The following ACOX1 variants were observed in gnomAD, a reference collection of about 807,000 sequenced individuals.
The protein encoded by ACOX1 is peroxisomal acyl-coenzyme A oxidase 1.
In ACOX1, 41 loss-of-function variants were observed where a neutral mutation model predicts 75.5. The ratio of observed to expected loss-of-function variants is 0.54; its 90% confidence interval spans 0.42 to 0.70. The LOEUF (loss-of-function observed/expected upper bound fraction) is 0.70, where lower values mean the gene tolerates loss of function less well. Ranked by LOEUF, ACOX1 falls within the 30% of genes least tolerant of loss-of-function variation. The pLI, the probability that ACOX1 is intolerant of heterozygous loss-of-function variation, is 0.00. For missense variants in ACOX1, 630 were observed against 837.5 expected (o/e 0.75, Z 3.06); for synonymous variants, 303 against 298.8 (o/e 1.01, Z -0.15).
In ACOX1 at chr17:75,948,426, T is replaced by C; in HGVS notation, c.1760A>G (p.Gln587Arg). ...TAACTCCTTTACACGCTGGTTTACT[T>C]GTGTAATCTGAGGCTCTGTCATGAT... ...GSIMTEPQIT[Q>R]VNQRVKELLT... is the part of the protein sequence containing the mutation. The change falls in exon 13 of 14, where the codon CAA (glutamine) becomes CGA (arginine). Residue 587 changes from glutamine to arginine, a missense_variant. Gln to Arg is a conservative substitution (Grantham distance 43, BLOSUM62 1). Coordinates refer to ENST00000293217, the MANE Select transcript of ACOX1 (RefSeq NM_004035.7). 6.2e-7 allele frequency: 1 copy of C among 1,614,150 alleles called. No individual in the cohort carries two copies. The highest frequency in any genetic ancestry group is 2.2e-5 in the East Asian group (1 of 44,886).
chr17:75,961,465 C>CAAAAAA (rs142857967), intron 2 of ACOX1, among the ~76,000 whole-genome samples: 1 of 50,784 alleles, frequency 2.0e-5, no homozygotes, highest in Non-Finnish European at 3.6e-5. Context: ...ACTAAAAATA[C>CAAAAAA]AAAAAAAAAA....
intron 2 of ACOX1, among the ~76,000 whole-genome samples, chr17:75,974,890 CA>C (rs1163713008): frequency 6.1e-5 from 9 of 146,450 alleles, no homozygotes; most frequent in African/African-American, 1.0e-4. Flanking sequence ...ACGAAAAATA[CA>C]AAAAAAAAAT....
intron 2 of ACOX1, among the ~76,000 whole-genome samples, chr17:75,967,860 C>A (rs1331156328): frequency 6.6e-6 from 1 of 150,582 alleles, no homozygotes. Context: ...CCTGCTTCAG[C>A]CTTCCGAGTA....
rs887630690 is a variant in ACOX1 at position 75,942,548 on chromosome 17, C to G, written c.*4200G>C. On this transcript the variant is annotated 3_prime_UTR_variant, in exon 14 of 14. Transcript: ENST00000293217. ...CTCCAAGAATGGAGTAGTAAAGAAA[C>G]AGCAGAAATGACTTCCCTGCATTAT... is the stretch of plus-strand genomic sequence containing the variant. 6.7e-6 allele frequency: 1 copy of G among 149,332 alleles called. No homozygotes were observed. The highest frequency in any genetic ancestry group is 2.5e-5 in the African/African-American group (1 of 40,480). The allele number at this position is 149,332 out of a possible 1,614,324, so 9.3% of individuals were successfully genotyped here.
intron 13 of ACOX1, among the ~76,000 whole-genome samples, chr17:75,947,449 G>A (rs1229910622): frequency 6.6e-6 from 1 of 152,078 alleles, no homozygotes; most frequent in East Asian, 1.9e-4. Flanking sequence ...GTTTCTCCAT[G>A]TTGGTCAGGC....
chr17:75,974,152 T>C (rs554570355), intron 2 of ACOX1, among the ~76,000 whole-genome samples: 1 of 152,072 alleles, frequency 6.6e-6, no homozygotes, highest in Admixed American at 6.6e-5. Flanking sequence ...TGTGGTTTTT[T>C]TTTTTTGCTT....
In ACOX1 at chr17:75,951,422, A is replaced by AACAC; in HGVS notation, c.1099_1100insGTGT (p.Leu367ArgfsTer4). ...ATGAGACCAAACTCATACCTCAGGC[A>AACAC]GTTCACTCAGGTCCCCTTGACCAAT... is the stretch of plus-strand genomic sequence containing the variant. On this transcript the variant is annotated frameshift_variant, in exon 8 of 14. Transcript: ENST00000293217. LOFTEE classifies it high-confidence loss of function. 1 of 1,614,154 alleles carries AACAC rather than the reference A, an allele frequency of 6.2e-7. No homozygotes were observed. Among genetic ancestry groups the AACAC allele is most frequent in the South Asian group, 1.1e-5 (1 of 91,080 alleles).
chr17:75,948,529 G>A, intron 12 of ACOX1, 72 bp from the exon 13 acceptor site: 7 of 1,243,804 alleles, frequency 5.6e-6, no homozygotes, highest in Non-Finnish European at 8.0e-6. Flanking sequence ...TGCATATACA[G>A]CTATAAAGCG....
intron 2 of ACOX1, among the ~76,000 whole-genome samples, chr17:75,976,991 C>CTTTTTTTTTTTTTTTTTTTTTTTTTTTT (rs1019883355): frequency 1.3e-5 from 1 of 78,904 alleles, no homozygotes; most frequent in African/African-American, 5.1e-5. Context: ...GCAAAAAAGT[C>CTTTTTTTTTTTTTTTTTTTTTTTTTTTT]TTTTTTTTTT....
intron 6 of ACOX1, among the ~76,000 whole-genome samples, chr17:75,954,568 CTTTTTTTTTTTTT>C (rs778030630): frequency 8.6e-6 from 1 of 115,654 alleles, no homozygotes; most frequent in Non-Finnish European, 1.7e-5. Context: ...TTATTAGCTC[CTTTTTTTTTTTTT>C]TTTTTTTTGA....
chr17:75,977,058 C>T (rs1432219471), intron 2 of ACOX1, among the ~76,000 whole-genome samples: 1 of 124,976 alleles, frequency 8.0e-6, no homozygotes, highest in Non-Finnish European at 1.6e-5. Flanking sequence ...AGTGCAGTGG[C>T]GTGATCTCGG....
chr17:75,953,836 C>T (rs540626993), intron 6 of ACOX1, among the ~76,000 whole-genome samples: 10 of 152,382 alleles, frequency 6.6e-5, no homozygotes, highest in Admixed American at 1.3e-4. Context: ...GTGATTCTAA[C>T]GCATGCAAAA....
intron 4 of ACOX1, among the ~76,000 whole-genome samples, chr17:75,956,959 C>T (rs2065834711): frequency 4.0e-5 from 1 of 25,208 alleles, no homozygotes; most frequent in Non-Finnish European, 5.9e-5. Flanking sequence ...CTCTCTCTCT[C>T]TCTCTCTCTC....
chr17:75,950,042 T>A lies in ACOX1; in HGVS notation c.1299-145A>T. 3.5e-6 allele frequency: 3 copies of A among 865,182 alleles called. No individual in the cohort carries two copies. The highest frequency in any genetic ancestry group is 5.6e-6 in the Non-Finnish European group (3 of 539,778). 53.6% of individuals were successfully genotyped at this position (865,182 alleles called of 1,614,324 possible). On this transcript the variant is annotated intron_variant, in intron 9 of 13. Coordinates refer to ENST00000293217, the MANE Select transcript of ACOX1 (RefSeq NM_004035.7). The surrounding 1 kb of genome is among the most constrained non-coding windows in gnomAD (Gnocchi z 4.3). Reference sequence around the variant, plus strand: ...GCAACCTCCTCCTCTTGGGTTCAAATGAATGATTCTCCTGCCTCAGCCTCC... The same window carrying A: ...GCAACCTCCTCCTCTTGGGTTCAAAAGAATGATTCTCCTGCCTCAGCCTCC...
In ACOX1 at chr17:75,949,199, T is replaced by C. The variant is rs758555552; in HGVS notation, c.1728+18A>G. 1.2e-6 allele frequency: 2 copies of C among 1,613,908 alleles called. No individual in the cohort carries two copies. The highest frequency in any genetic ancestry group is 1.7e-6 in the Non-Finnish European group (2 of 1,179,978). On this transcript the variant is annotated intron_variant, in intron 12 of 13. Transcript: ENST00000293217. ...TTAAAACAACAACAAAAAAGACTTA[T>C]ACTTAGAAAATACTGACCTGAAGGA...
Position 75,945,151 on chromosome 17 carries a change from T to TG in ACOX1, c.*1596dup, listed in dbSNP as rs969584344. The TG allele has an allele frequency of 2.6e-5, 4 of 152,164 alleles. No homozygotes were observed. The highest frequency in any genetic ancestry group is 9.7e-5 in the African/African-American group (4 of 41,444). The allele number at this position is 152,164 out of a possible 1,614,324, so 9.4% of individuals were successfully genotyped here. ...AGACATCCCATCTATGCAACTGGAT[T>TG]GGGGGGTGTCATTCCAAACACCCTC... is the stretch of plus-strand genomic sequence containing the variant. On this transcript the variant is annotated 3_prime_UTR_variant, in exon 14 of 14. Coordinates refer to ENST00000293217, the MANE Select transcript of ACOX1 (RefSeq NM_004035.7).
chr17:75,948,507 G>T, intron 12 of ACOX1, 50 bp from the exon 13 acceptor site: 4 of 1,439,576 alleles, frequency 2.8e-6, no homozygotes, highest in Non-Finnish European at 2.9e-6. Context: ...TATATAGATA[G>T]ACATAATTAT....
chr17:75,954,845 C>T (rs1370793009), intron 6 of ACOX1, among the ~76,000 whole-genome samples: 2 of 151,852 alleles, frequency 1.3e-5, no homozygotes, highest in Non-Finnish European at 2.9e-5. Flanking sequence ...GCTGGGACTA[C>T]AGGCATGAGC....
At chr17:75,971,152 A>G (rs2065989849) in intron 2 of ACOX1, among the ~76,000 whole-genome samples, 1 of 152,138 alleles carries the variant, frequency 6.6e-6, no homozygotes, top group South Asian at 2.1e-4. Context: ...TTAGCCGGGC[A>G]TGGTGGCACA....
Sources: allele counts gnomAD v4.1 joint callset (sites outside exome capture counted in the v4.1 genomes callset), GRCh38; gene constraint gnomAD v4.1.1; non-coding constraint Gnocchi (gnomAD v3.1); transcripts MANE v1.5; gene names NCBI Gene and HGNC (gene_info 2026-07-23, HGNC 2026-07-21).